FREM1: variants seen among roughly 807,000 people sequenced by gnomAD.
The protein encoded by FREM1 is FRAS1 related extracellular matrix 1, also known as FRAS1-related extracellular matrix protein 1.
Under a neutral mutation model 210.1 loss-of-function variants are expected in FREM1, and 220 were observed. The ratio of observed to expected loss-of-function variants is 1.05; its 90% CI spans 0.94 to 1.17. The LOEUF (loss-of-function observed/expected upper bound fraction) is 1.17. Among genes scored for constraint, FREM1 ranks in the 50% most tolerant of loss-of-function variants. The pLI is 0.00. For missense variants in FREM1, 3,454 were observed against 2,675.5 expected, an observed-to-expected ratio of 1.29 and a Z score of -6.42; for synonymous variants, 1,189 against 980.2, an observed-to-expected ratio of 1.21 and a Z score of -3.98.
intron 27 of FREM1, among the ~76,000 whole-genome samples, chr9:14,762,755 A>ATTTTTTTTTTT (rs34136678): frequency 2.9e-5 from 4 of 137,922 alleles, no homozygotes; most frequent in Non-Finnish European, 3.1e-5. Context: ...TTTGAATGTG[A>ATTTTTTTTTTT]TTTTTTTTTT....
chr9:14,765,972 T>C (rs547195332), intron 27 of FREM1, among the ~76,000 whole-genome samples: 60 of 152,254 alleles, frequency 3.9e-4, no homozygotes, highest in African/African-American at 1.4e-3. Context: ...GTGGGTCCTG[T>C]GTAACTTAGT....
At position 14,823,157 on chromosome 9, in the gene FREM1, T is replaced by A. The variant is rs746546587; in HGVS notation, c.2337+3A>T. ...CATCCTCTATATAGAACATTGTACA[T>A]ACCTCAGGAACTTGATTGTCCACTG... On this transcript the variant is annotated splice_donor_region_variant and intron_variant, in intron 13 of 36. Coordinates refer to ENST00000380880, the MANE Select transcript of FREM1 (RefSeq NM_001379081.2). 6.2e-7 allele frequency: 1 copy of A among 1,608,512 alleles called. No homozygotes were observed. Among genetic ancestry groups the A allele is most frequent in the East Asian group, 2.2e-5 (1 of 44,826 alleles).
At chr9:14,902,858 T>A (rs551505903) in intron 1 of FREM1, among the ~76,000 whole-genome samples, 11 of 152,348 alleles carry the variant, frequency 7.2e-5, no homozygotes, top group African/African-American at 2.6e-4. Context: ...TTTTACTTCC[T>A]TTTGCTGTAG....
At chr9:14,835,352 T>A (rs1450642401) in intron 10 of FREM1, among the ~76,000 whole-genome samples, 3 of 152,228 alleles carry the variant, frequency 2.0e-5, no homozygotes, top group African/African-American at 7.2e-5. Flanking sequence ...CTTATGGCAA[T>A]ACAGTTGTTT....
intron 29 of FREM1, among the ~76,000 whole-genome samples, chr9:14,752,259 G>A (rs1843521144): frequency 6.6e-6 from 1 of 152,012 alleles, no homozygotes; most frequent in Non-Finnish European, 1.5e-5. Flanking sequence ...AGATTGTAGA[G>A]CCTATATAAA....
rs1385235186 is a variant in FREM1 at position 14,860,672 on chromosome 9, C to CACACATATAT, written c.330-1198_330-1189dup. Among the ~76,000 whole-genome samples the CACACATATAT allele has an allele frequency of 3.4e-3, 399 of 118,204 alleles. 10 individuals are homozygous for CACACATATAT. Among genetic ancestry groups the CACACATATAT allele is most frequent in the African/African-American group, 0.015 (383 of 25,802 alleles). 77.5% of individuals were successfully genotyped at this position (118,204 alleles called of 152,430 possible). A position where few individuals can be genotyped will look rare whatever the true frequency, so the allele number is the denominator to read the frequency against. The stretch of plus-strand genomic sequence containing the variant: ...ATATATACACATATATACATATATA[C>CACACATATAT]ACACATATATACACATATATACACA... On this transcript the variant is annotated intron_variant, in intron 3 of 36. Coordinates refer to ENST00000380880, the MANE Select transcript of FREM1 (RefSeq NM_001379081.2).
chr9:14,744,744 C>T (rs1842120527), intron 35 of FREM1, among the ~76,000 whole-genome samples: 1 of 152,000 alleles, frequency 6.6e-6, no homozygotes, highest in Non-Finnish European at 1.5e-5. Flanking sequence ...ATTTTTATTT[C>T]TTTTAGTTAA....
chr9:14,777,496 T>C (rs531810584), intron 24 of FREM1, among the ~76,000 whole-genome samples: 13 of 152,290 alleles, frequency 8.5e-5, no homozygotes, highest in African/African-American at 3.1e-4. Context: ...CCATGTACCA[T>C]AGTTGCTGGA....
At chr9:14,806,901 T>A (rs1259722984) in intron 17 of FREM1, 55 bp from the exon 18 acceptor site, 76 of 1,134,602 alleles carry the variant, frequency 6.7e-5, no homozygotes, top group Non-Finnish European at 8.8e-5. Flanking sequence ...CTAAACAGAC[T>A]GGGTAGGACA....
chr9:14,893,262 G>A (rs1369439925), intron 1 of FREM1, among the ~76,000 whole-genome samples: 1 of 152,208 alleles, frequency 6.6e-6, no homozygotes, highest in African/African-American at 2.4e-5. Flanking sequence ...GAATTCGTGA[G>A]GCTAGTCTTA....
In FREM1 at chr9:14,819,302, C is replaced by T. The variant is rs201554261; in HGVS notation, c.2478G>A (p.Glu826=). 26 of 1,613,954 alleles carry T rather than the reference C, an allele frequency of 1.6e-5. No homozygotes were observed. The East Asian group carries it at 5.3e-4, about 33-fold the overall frequency. Residue 826 remains glutamate, a synonymous_variant, in exon 14 of 37, where the codon GAG becomes GAA. Transcript: ENST00000380880. ...LRELPLHGRV[E]LNGFPLNSGG... is the part of the protein sequence containing the mutation. ...CTGAATTTAGAGGAAATCCATTCAGCTCCACCCTTCCGTGCAGAGGCAATT... is the reference window on the plus strand; with the variant it reads ...CTGAATTTAGAGGAAATCCATTCAGTTCCACCCTTCCGTGCAGAGGCAATT...
chr9:14,847,998 A>G (rs1826995467), intron 7 of FREM1, among the ~76,000 whole-genome samples: 1 of 152,160 alleles, frequency 6.6e-6, no homozygotes, highest in Admixed American at 6.5e-5. Flanking sequence ...ATGTGTACAC[A>G]CACGAGGCAG....
chr9:14,886,895 C>CAAA (rs59827471), intron 1 of FREM1, among the ~76,000 whole-genome samples: 264 of 94,684 alleles, frequency 2.8e-3, no homozygotes, highest in Non-Finnish European at 4.7e-3. Flanking sequence ...GACCTTGTTT[C>CAAA]AAAAAAAAAA....
chr9:14,874,508 T>A (rs1395412732), intron 1 of FREM1, among the ~76,000 whole-genome samples: 2 of 150,562 alleles, frequency 1.3e-5, no homozygotes, highest in Non-Finnish European at 3.0e-5. Flanking sequence ...TTTTTTGTTT[T>A]CCATTTGCTT....
chr9:14,796,758 T>C (rs1454268690), intron 21 of FREM1, among the ~76,000 whole-genome samples: 2 of 152,210 alleles, frequency 1.3e-5, no homozygotes, highest in Admixed American at 1.3e-4. Flanking sequence ...GAAGGATGTG[T>C]TTGCTTCCTC....
intron 24 of FREM1, among the ~76,000 whole-genome samples, chr9:14,779,810 G>A (rs1344392281): frequency 6.6e-6 from 1 of 152,240 alleles, no homozygotes; most frequent in African/African-American, 2.4e-5. Flanking sequence ...CACCAAGGCA[G>A]CTGTCAGTGC....
At chr9:14,865,183 A>G (rs1831274640) in intron 2 of FREM1, among the ~76,000 whole-genome samples, 1 of 152,208 alleles carries the variant, frequency 6.6e-6, no homozygotes, top group African/African-American at 2.4e-5. Context: ...TAATGACAGT[A>G]AAATGGTTCA....
chr9:14,775,757 T>A, intron 25 of FREM1, 32 bp downstream of exon 25: 8 of 1,110,206 alleles, frequency 7.2e-6, no homozygotes, highest in Non-Finnish European at 9.4e-6. Flanking sequence ...TTTTCACATC[T>A]CTGGCAAATG....
chr9:14,860,730 CATATAT>C, intron 3 of FREM1, among the ~76,000 whole-genome samples: 1 of 122,108 alleles, frequency 8.2e-6, no homozygotes, highest in South Asian at 2.4e-4. Context: ...CATATATACA[CATATAT>C]ACACATATAT....
Sources: allele counts gnomAD v4.1 joint callset (sites outside exome capture counted in the v4.1 genomes callset), GRCh38; gene constraint gnomAD v4.1.1; transcripts MANE v1.5; gene names NCBI Gene and HGNC (gene_info 2026-07-23, HGNC 2026-07-21).